Variants in GRHL2 observed in about 807,000 individuals in gnomAD.
GRHL2 encodes the protein grainyhead-like protein 2 homolog.
In GRHL2, 21 loss-of-function variants were observed where a neutral mutation model predicts 83.8. That is an observed-to-expected ratio of 0.25 (90% CI 0.18 to 0.36). GRHL2 has a LOEUF of 0.36. Among genes scored for constraint, GRHL2 ranks in the 10% least tolerant of loss-of-function variants. The pLI, the probability that GRHL2 is intolerant of heterozygous loss-of-function variation, is 1.00. For synonymous variants in GRHL2, 280 were observed against 278.9 expected (o/e 1.00, Z -0.04); for missense variants, 623 against 781.8 (o/e 0.80, Z 2.42).
At chr8:101,528,061 G>A (rs1405692629) in intron 1 of GRHL2, among the ~76,000 whole-genome samples, 1 of 151,984 alleles carries the variant, frequency 6.6e-6, no homozygotes, top group East Asian at 1.9e-4. Flanking sequence ...CAATACTCAA[G>A]TTTTTTTTCA....
intron 8 of GRHL2, among the ~76,000 whole-genome samples, chr8:101,617,239 C>T (rs1415577299): frequency 2.6e-5 from 4 of 152,072 alleles, no homozygotes; most frequent in Non-Finnish European, 4.4e-5. Context: ...TGGCTGGCAG[C>T]GTGAGAGCCC....
At chr8:101,615,689 C>CT (rs554024769) in intron 8 of GRHL2, among the ~76,000 whole-genome samples, 4 of 151,462 alleles carry the variant, frequency 2.6e-5, no homozygotes, top group East Asian at 1.9e-4. Context: ...GAAAATTATA[C>CT]TTTTTTTTTA....
At chr8:101,542,873 T>C in intron 1 of GRHL2, 3 of 459,142 alleles carry the variant, frequency 6.5e-6, no homozygotes. Flanking sequence ...CCTTTGATAA[T>C]GGCATTGATC....
chr8:101,559,608 T>A (rs1015512018), intron 4 of GRHL2, among the ~76,000 whole-genome samples: 4 of 152,140 alleles, frequency 2.6e-5, no homozygotes, highest in African/African-American at 9.7e-5. Flanking sequence ...ATTTGCGTTA[T>A]CAATAATCAA....
At chr8:101,595,318 A>G (rs6981506) in intron 7 of GRHL2, among the ~76,000 whole-genome samples, 23,583 of 152,198 alleles carry the variant, frequency 0.15, 2,006 homozygotes, top group African/African-American at 0.21. Flanking sequence ...AACAGAAGAC[A>G]TTTTTTATGT....
chr8:101,668,610 T>TCTGA lies in GRHL2; in HGVS notation c.*1911_*1914dup, dbSNP rs1384023091. The TCTGA allele has an allele frequency of 6.5e-6, 1 of 153,028 alleles. No homozygotes were observed. 9.5% of individuals were successfully genotyped at this position (153,028 alleles called of 1,614,324 possible). Reference sequence around the variant, plus strand: ...TCCAGTCTGTCCCCTCCTCCTCCACTCTGACTGCCACGCCCCGGACCAGCA... The same window carrying TCTGA: ...TCCAGTCTGTCCCCTCCTCCTCCACTCTGACTGACTGCCACGCCCCGGACCAGCA... On this transcript the variant is annotated 3_prime_UTR_variant, in exon 16 of 16. Transcript: ENST00000646743.
At position 101,642,602 on chromosome 8, in the gene GRHL2, G is replaced by C. The variant is rs113669770; in HGVS notation, c.1518-1529G>C. 8.4e-3 allele frequency among the ~76,000 whole-genome samples: 1,275 copies of C among 152,238 alleles called. 13 individuals are homozygous for C. The highest frequency in any genetic ancestry group is 0.028 in the African/African-American group (1,164 of 41,528). ...ACAAGGTAGTAAGAGGAAGGCAGAGGGAACACTGCCCTAAAAACTTCAATA... is the reference window on the plus strand; with the variant it reads ...ACAAGGTAGTAAGAGGAAGGCAGAGCGAACACTGCCCTAAAAACTTCAATA... On this transcript the variant is annotated intron_variant, in intron 12 of 15. Transcript: ENST00000646743.
rs148770078 is a variant in GRHL2, at chr8:101,625,007, C to A, written c.1257+5310C>A. On this transcript the variant is annotated intron_variant, in intron 9 of 15. Coordinates refer to ENST00000646743, the MANE Select transcript of GRHL2 (RefSeq NM_024915.4). ...AGAAACAAAACCGAACCAAAAAAAT[C>A]AGCTTATGTCTTTAATTCAGCATAT... 8.4e-3 allele frequency among the ~76,000 whole-genome samples: 1,279 copies of A among 152,194 alleles called. 25 individuals carry two copies. Among genetic ancestry groups the A allele is most frequent in the African/African-American group, 0.03 (1,227 of 41,538 alleles).
chr8:101,530,944 T>C (rs890034666), intron 1 of GRHL2, among the ~76,000 whole-genome samples: 7 of 152,080 alleles, frequency 4.6e-5, no homozygotes, highest in Non-Finnish European at 1.0e-4. Context: ...GAACTCAGGC[T>C]CCGAGGTTGT....
chr8:101,505,577 C>CAAAAAAA (rs11395323), intron 1 of GRHL2, among the ~76,000 whole-genome samples: 6 of 101,046 alleles, frequency 5.9e-5, no homozygotes, highest in African/African-American at 7.7e-5. Context: ...AACTCTGTCT[C>CAAAAAAA]AAAAAAAAAA....
chr8:101,521,061 G>C (rs1324117313), intron 1 of GRHL2, among the ~76,000 whole-genome samples: 1 of 152,188 alleles, frequency 6.6e-6, no homozygotes, highest in Non-Finnish European at 1.5e-5. Context: ...ACTTGTATTA[G>C]GGGAACCACC....
chr8:101,652,548 G>T (rs1189354437), intron 14 of GRHL2, among the ~76,000 whole-genome samples: 1 of 43,524 alleles, frequency 2.3e-5, no homozygotes, highest in Non-Finnish European at 3.7e-5. Context: ...TGTGTGTGTG[G>T]TGTGTATGTG....
At chr8:101,579,976 A>G (rs1194822814) in intron 7 of GRHL2, among the ~76,000 whole-genome samples, 2 of 152,134 alleles carry the variant, frequency 1.3e-5, no homozygotes, top group Non-Finnish European at 2.9e-5. Context: ...AAGTATCCTG[A>G]ATTATTTAAT....
intron 7 of GRHL2, among the ~76,000 whole-genome samples, chr8:101,592,100 C>CTTT (rs11382067): frequency 0.014 from 1,231 of 90,224 alleles, 68 homozygotes; most frequent in African/African-American, 0.028. Context: ...TCTTTCTTTT[C>CTTT]TTTTTTTTTT....
intron 1 of GRHL2, among the ~76,000 whole-genome samples, chr8:101,501,667 A>C (rs533458136): frequency 4.6e-5 from 7 of 152,230 alleles, no homozygotes; most frequent in African/African-American, 1.7e-4. Context: ...TTTTGGTTTT[A>C]ATTTGCAATC....
At chr8:101,532,379 G>T (rs1810946141) in intron 1 of GRHL2, among the ~76,000 whole-genome samples, 1 of 152,184 alleles carries the variant, frequency 6.6e-6, no homozygotes, top group African/African-American at 2.4e-5. Flanking sequence ...ACTTAAGTCA[G>T]TAATCAGCCG....
intron 1 of GRHL2, among the ~76,000 whole-genome samples, chr8:101,532,785 A>G (rs1810964640): frequency 6.6e-6 from 1 of 151,590 alleles, no homozygotes; most frequent in Non-Finnish European, 1.5e-5. Context: ...AGTAGAATTC[A>G]TGTGCTCTCA....
At chr8:101,496,560 C>T (rs571600790) in intron 1 of GRHL2, among the ~76,000 whole-genome samples, 2 of 152,052 alleles carry the variant, frequency 1.3e-5, no homozygotes, top group African/African-American at 4.8e-5. Flanking sequence ...ATGGTGCTTA[C>T]TGTGTGTGTG....
chr8:101,644,972 T>TG (rs1813480466), intron 13 of GRHL2, among the ~76,000 whole-genome samples: 2 of 151,952 alleles, frequency 1.3e-5, no homozygotes, highest in South Asian at 4.2e-4. Flanking sequence ...CTCAGCCTCC[T>TG]GAGCAGCTGG....
Sources: allele counts gnomAD v4.1 joint callset (sites outside exome capture counted in the v4.1 genomes callset), GRCh38; gene constraint gnomAD v4.1.1; transcripts MANE v1.5; gene names NCBI Gene and HGNC (gene_info 2026-07-23, HGNC 2026-07-21).